Variants in FAM83B observed in about 807,000 individuals in gnomAD.
The protein encoded by FAM83B is protein FAM83B.
A neutral mutation model predicts 38.8 loss-of-function variants in FAM83B; 26 were observed. The observed-to-expected ratio is 0.67, with a 90% CI of 0.49 to 0.93. FAM83B has a LOEUF of 0.93. FAM83B is among the 40% of genes least tolerant of loss of function. FAM83B has a pLI of 0.00. For synonymous variants in FAM83B, 419 were observed against 423.1 expected (o/e 0.99, Z 0.12); for missense variants, 1,237 against 1,197.3 (o/e 1.03, Z -0.49).
intron 1 of FAM83B, among the ~76,000 whole-genome samples, chr6:54,859,381 A>G (rs1307446688): frequency 6.6e-6 from 1 of 151,924 alleles, no homozygotes; most frequent in East Asian, 1.9e-4. Context: ...GATTTTTTTT[A>G]ATTTATTTTT....
intron 1 of FAM83B, among the ~76,000 whole-genome samples, chr6:54,851,319 C>T (rs147505362): frequency 9.5e-4 from 145 of 151,900 alleles, no homozygotes; most frequent in Admixed American, 3.0e-3. Context: ...CACTTACCTT[C>T]TCTTTTTATC....
In FAM83B at chr6:54,930,595, C is replaced by T. The variant is rs116516815; in HGVS notation, c.734+2963C>T. On this transcript the variant is annotated intron_variant, in intron 4 of 4. Coordinates refer to ENST00000306858, the MANE Select transcript of FAM83B (RefSeq NM_001010872.3). ...ATGTGGGATGGAACTCTAAGTTGAA[C>T]CATTTTTCCTCCAAATTGGTAAGGT... 3.1e-3 allele frequency among the ~76,000 whole-genome samples: 466 copies of T among 152,108 alleles called. 5 individuals are homozygous for T. The highest frequency in any genetic ancestry group is 0.01 in the African/African-American group (432 of 41,516).
chr6:54,896,193 T>C (rs1772529129), intron 2 of FAM83B, among the ~76,000 whole-genome samples: 1 of 152,144 alleles, frequency 6.6e-6, no homozygotes, highest in African/African-American at 2.4e-5. Flanking sequence ...CCTGGCAACA[T>C]GGCATAGGTT....
At chr6:54,849,515 G>A (rs983103135) in intron 1 of FAM83B, among the ~76,000 whole-genome samples, 1 of 151,796 alleles carries the variant, frequency 6.6e-6, no homozygotes, top group Non-Finnish European at 1.5e-5. Flanking sequence ...ACAGAAGGTA[G>A]GGGTGGGTGA....
chr6:54,881,465 A>T (rs2127577894), intron 2 of FAM83B, among the ~76,000 whole-genome samples: 1 of 152,260 alleles, frequency 6.6e-6, no homozygotes, highest in South Asian at 2.1e-4. Context: ...TCTTCCTTGA[A>T]CTCAAACACA....
chr6:54,851,647 G>GTTTTTTT (rs577598548), intron 1 of FAM83B, among the ~76,000 whole-genome samples: 1 of 86,972 alleles, frequency 1.1e-5, no homozygotes, highest in Non-Finnish European at 2.2e-5. Context: ...TAATTTTTGT[G>GTTTTTTT]TTTTTTTTTT....
Position 54,892,148 on chromosome 6 carries a change from CT to C in FAM83B, c.444+21462del, listed in dbSNP as rs1215977318. On this transcript the variant is annotated intron_variant, in intron 2 of 4. Coordinates refer to ENST00000306858, the MANE Select transcript of FAM83B (RefSeq NM_001010872.3). ...CTGAATGATCACTGATAATGTCATT[CT>C]TTTCTAAATATAAATCTCTGTGTCT... Among the ~76,000 whole-genome samples, 6 of 152,316 alleles carry C rather than the reference CT, an allele frequency of 3.9e-5. No individual in the cohort carries two copies. In the South Asian group the frequency reaches 1.2e-3, roughly 32 times the overall value.
Position 54,854,116 on chromosome 6 carries a change from CATG to C in FAM83B, c.-61+7293_-61+7295del, listed in dbSNP as rs1446068295. 2.0e-5 allele frequency among the ~76,000 whole-genome samples: 3 copies of C among 152,260 alleles called. No homozygotes were observed. In the East Asian group the frequency reaches 5.8e-4, roughly 29 times the overall value. ...AGATGTGGCTTAGTTTTTTCAGTGTCATGATAACACTTTAATGGATGTGGTGTT... is the reference window on the plus strand; with the variant it reads ...AGATGTGGCTTAGTTTTTTCAGTGTCATAACACTTTAATGGATGTGGTGTT... On this transcript the variant is annotated intron_variant, in intron 1 of 4. Coordinates refer to ENST00000306858, the MANE Select transcript of FAM83B (RefSeq NM_001010872.3).
chr6:54,874,637 A>G (rs140930013), intron 2 of FAM83B, among the ~76,000 whole-genome samples: 1 of 152,260 alleles, frequency 6.6e-6, no homozygotes, highest in Non-Finnish European at 1.5e-5. Context: ...CTAGCCACTC[A>G]GTGGTACGTA....
At chr6:54,883,318 T>G (rs1772180498) in intron 2 of FAM83B, among the ~76,000 whole-genome samples, 1 of 144,938 alleles carries the variant, frequency 6.9e-6, no homozygotes, top group South Asian at 2.2e-4. Context: ...GATTTTTTAG[T>G]GATTTTTTTT....
intron 2 of FAM83B, among the ~76,000 whole-genome samples, chr6:54,898,377 G>A (rs1031386488): frequency 1.3e-5 from 2 of 152,082 alleles, no homozygotes; most frequent in African/African-American, 4.8e-5. Flanking sequence ...GGGTTGGGTC[G>A]CCTCTACATT....
At chr6:54,921,761 ATAGCCATGTGGCCATGTG>A (rs1773179499) in intron 2 of FAM83B, among the ~76,000 whole-genome samples, 1 of 152,082 alleles carries the variant, frequency 6.6e-6, no homozygotes, top group Non-Finnish European at 1.5e-5. Flanking sequence ...TCAATTATAT[ATAGCCATGTGGCCATGTG>A]TGCAACACAG....
chr6:54,849,897 T>C (rs1385675726), intron 1 of FAM83B, among the ~76,000 whole-genome samples: 2 of 151,886 alleles, frequency 1.3e-5, no homozygotes, highest in African/African-American at 4.8e-5. Context: ...TCCCGGTTAC[T>C]GGCAGGGGCC....
At position 54,941,635 on chromosome 6, in the gene FAM83B, A is replaced by T; in HGVS notation, c.2664A>T (p.Arg888Ser). ...GGGCAGGAGATGCCTCTGCCCCAAG[A>T]TTTAACACTGAACAGATCCAATACC... Reference protein sequence around the residue: ...LERAGDASAPRFNTEQIQYRD... With the variant: ...LERAGDASAPSFNTEQIQYRD... The change falls in exon 5 of 5, where the codon AGA becomes AGT. Residue 888 changes from arginine to serine, a missense_variant. Transcript: ENST00000306858. 6.2e-7 allele frequency: 1 copy of T among 1,614,152 alleles called. No individual in the cohort carries two copies. Among genetic ancestry groups the T allele is most frequent in the South Asian group, 1.1e-5 (1 of 91,086 alleles).
intron 2 of FAM83B, among the ~76,000 whole-genome samples, chr6:54,923,594 T>C (rs1581923921): frequency 6.6e-6 from 1 of 152,162 alleles, no homozygotes; most frequent in Non-Finnish European, 1.5e-5. Flanking sequence ...ATTTTCTTAG[T>C]CTATTTTATT....
At chr6:54,876,984 T>C (rs760426000) in intron 2 of FAM83B, among the ~76,000 whole-genome samples, 8 of 152,198 alleles carry the variant, frequency 5.3e-5, no homozygotes, top group Non-Finnish European at 7.3e-5. Context: ...CTTTAGTAGT[T>C]TGTTGGAATG....
chr6:54,850,114 A>C (rs896265850), intron 1 of FAM83B, among the ~76,000 whole-genome samples: 1 of 152,230 alleles, frequency 6.6e-6, no homozygotes, highest in Non-Finnish European at 1.5e-5. Flanking sequence ...TGATAATTAT[A>C]AGTACACAAA....
At chr6:54,869,600 A>G (rs150386414) in intron 1 of FAM83B, among the ~76,000 whole-genome samples, 18 of 151,802 alleles carry the variant, frequency 1.2e-4, no homozygotes, top group African/African-American at 4.4e-4. Flanking sequence ...TTGCCACCTG[A>G]TCAGATTCTT....
Position 54,940,197 on chromosome 6 carries a change from C to T in FAM83B, c.1226C>T (p.Thr409Ile), listed in dbSNP as rs1368531075. The part of the protein sequence containing the change: ...YLLLNRALNR[T>I]NNPPGNWKKP... ...CTGCTTAATAGGGCTCTGAATAGAA[C>T]CAATAATCCACCTGGTAATTGGAAA... is the stretch of plus-strand genomic sequence containing the variant. Residue 409 changes from threonine (T) to isoleucine (I), a missense_variant, in exon 5 of 5, where the codon ACC becomes ATC. Thr to Ile is a moderately conservative substitution (Grantham distance 89). Coordinates refer to ENST00000306858, the MANE Select transcript of FAM83B (RefSeq NM_001010872.3). 2 of 1,614,010 alleles carry T rather than the reference C, an allele frequency of 1.2e-6. No individual in the cohort carries two copies. The highest frequency in any genetic ancestry group is 1.7e-6 in the Non-Finnish European group (2 of 1,180,000).
Sources: allele counts gnomAD v4.1 joint callset (sites outside exome capture counted in the v4.1 genomes callset), GRCh38; gene constraint gnomAD v4.1.1; transcripts MANE v1.5; gene names NCBI Gene and HGNC (gene_info 2026-07-23, HGNC 2026-07-21).